CFAP44: variants seen among roughly 807,000 people sequenced by gnomAD.
CFAP44 encodes the protein cilia and flagella associated protein 44, also known as cilia- and flagella-associated protein 44.
Under a neutral mutation model 216.2 loss-of-function variants are expected in CFAP44, and 134 were observed. That is an observed-to-expected ratio of 0.62 (90% CI 0.54 to 0.72). CFAP44 has a LOEUF of 0.72. Ranked by LOEUF, CFAP44 falls within the 30% of genes least tolerant of loss-of-function variation. The pLI is 0.00. For missense variants in CFAP44, 2,035 were observed against 2,182.1 expected (o/e 0.93, Z 1.34); for synonymous variants, 700 against 727.6 (o/e 0.96, Z 0.61).
intron 15 of CFAP44, among the ~76,000 whole-genome samples, chr3:113,394,554 A>C (rs1386298554): frequency 6.6e-6 from 1 of 152,170 alleles, no homozygotes; most frequent in Admixed American, 6.5e-5. Flanking sequence ...CAAAATAATA[A>C]CTTAATTTTA....
intron 24 of CFAP44, among the ~76,000 whole-genome samples, chr3:113,339,639 C>A (rs1168684876): frequency 6.6e-6 from 1 of 152,154 alleles, no homozygotes; most frequent in Admixed American, 6.5e-5. Flanking sequence ...TGTTGCCTGG[C>A]TTTGGATCCC....
chr3:113,418,033 T>G (rs1167476159), intron 5 of CFAP44, among the ~76,000 whole-genome samples: 2 of 151,426 alleles, frequency 1.3e-5, no homozygotes, highest in Non-Finnish European at 2.9e-5. Flanking sequence ...GGAGTTTTAT[T>G]TATTTAATTA....
rs138006295 is a variant in CFAP44, at chr3:113,420,116, G to T, written c.471C>A (p.Ala157=). The T allele has an allele frequency of 2.0e-4, 326 of 1,613,878 alleles. 1 individual carries two copies. In the African/African-American group the frequency reaches 3.3e-3, roughly 16 times the overall value. Reference sequence around the variant, plus strand: ...TCAGTTGGTTCCCAGCTATGTATATGGCGATACTGTCGTCCAGAAGTTGTA... The same window carrying T: ...TCAGTTGGTTCCCAGCTATGTATATTGCGATACTGTCGTCCAGAAGTTGTA... The part of the protein sequence containing the change: ...ANLQLLDDSI[A]IYIAGNQLIF... The change falls in exon 5 of 35, where the codon GCC becomes GCA. Residue 157 remains alanine (A), a synonymous_variant. Coordinates refer to ENST00000393845, the MANE Select transcript of CFAP44 (RefSeq NM_001164496.2).
intron 28 of CFAP44, among the ~76,000 whole-genome samples, chr3:113,323,965 A>G (rs1950167489): frequency 6.7e-6 from 1 of 150,244 alleles, no homozygotes; most frequent in Non-Finnish European, 1.5e-5. Flanking sequence ...AATCGCTTGA[A>G]CCTAGGAGGT....
intron 1 of CFAP44, chr3:113,434,939 G>C (rs1174280817): frequency 6.6e-6 from 1 of 152,228 alleles, no homozygotes; most frequent in East Asian, 1.9e-4. Flanking sequence ...TATGATGACT[G>C]TCTCCCTTCA....
At chr3:113,375,247 A>C (rs1291715156) in intron 17 of CFAP44, among the ~76,000 whole-genome samples, 2 of 152,224 alleles carry the variant, frequency 1.3e-5, no homozygotes, top group African/African-American at 4.8e-5. Context: ...AGGACGGTAG[A>C]ACAGATGTTG....
intron 8 of CFAP44, 92 bp from the exon 9 acceptor site, chr3:113,404,108 G>C: frequency 3.7e-6 from 5 of 1,342,656 alleles, no homozygotes; most frequent in Non-Finnish European, 4.9e-6. Context: ...ATTTTTTAAG[G>C]TTATCTTTAT....
intron 28 of CFAP44, among the ~76,000 whole-genome samples, chr3:113,324,239 G>T (rs1443556330): frequency 1.3e-5 from 2 of 151,976 alleles, no homozygotes; most frequent in Non-Finnish European, 2.9e-5. Context: ...AAATGGAAAA[G>T]AAAATTTTCT....
Position 113,363,138 on chromosome 3 carries a change from G to A in CFAP44, c.2934+7C>T, listed in dbSNP as rs570889094. Reference sequence around the variant, plus strand: ...TAAAATAAAAATCAAGTTTATATTAGGCTTACTGTTCGTTTAAACTGCATA... The same window carrying A: ...TAAAATAAAAATCAAGTTTATATTAAGCTTACTGTTCGTTTAAACTGCATA... On this transcript the variant is annotated splice_region_variant and intron_variant, in intron 21 of 34. Coordinates refer to ENST00000393845, the MANE Select transcript of CFAP44 (RefSeq NM_001164496.2). The A allele has an allele frequency of 3.8e-6, 6 of 1,575,470 alleles. No individual in the cohort carries two copies. Among genetic ancestry groups the A allele is most frequent in the African/African-American group, 1.4e-5 (1 of 73,284 alleles).
Position 113,308,151 on chromosome 3 carries a change from A to C in CFAP44, c.4627+7T>G. 6.5e-7 allele frequency: 1 copy of C among 1,528,714 alleles called. No individual in the cohort carries two copies. Among genetic ancestry groups the C allele is most frequent in the Non-Finnish European group, 8.7e-7 (1 of 1,143,786 alleles). The allele number at this position is 1,528,714 out of a possible 1,614,324, so 94.7% of individuals were successfully genotyped here. On this transcript the variant is annotated splice_region_variant and intron_variant, in intron 29 of 34. Transcript: ENST00000393845. ...TCACAGAGAACACGTGGTTTTATCTAACTTACTTGTTGGGCAAATAGAATC... is the reference window on the plus strand; with the variant it reads ...TCACAGAGAACACGTGGTTTTATCTCACTTACTTGTTGGGCAAATAGAATC...
At position 113,344,765 on chromosome 3, in the gene CFAP44, T is replaced by A. The variant is rs1008665280; in HGVS notation, c.3066-53A>T. 6.5e-6 allele frequency: 9 copies of A among 1,383,006 alleles called. 1 individual carries two copies. The African/African-American group carries it at 1.3e-4, about 20-fold the overall frequency. The allele number at this position is 1,383,006 out of a possible 1,614,324, so 85.7% of individuals were successfully genotyped here. A position where few individuals can be genotyped will look rare whatever the true frequency, so the allele number is the denominator to read the frequency against. ...TAGTCACCATTTTGATCATTCTGCA[T>A]AATTACTAAGTAATAAAATAAAACT... is the stretch of plus-strand genomic sequence containing the variant. On this transcript the variant is annotated intron_variant, in intron 22 of 34. Coordinates refer to ENST00000393845, the MANE Select transcript of CFAP44 (RefSeq NM_001164496.2).
rs1476193171 is a variant in CFAP44 at position 113,303,942 on chromosome 3, T to C, written c.5051A>G (p.Lys1684Arg). 6.5e-7 allele frequency: 1 copy of C among 1,537,808 alleles called. No individual in the cohort carries two copies. Among genetic ancestry groups the C allele is most frequent in the Admixed American group, 2.0e-5 (1 of 51,008 alleles). ...GTGTATGGTTTTTGTCATTTCTCTC[T>C]TTTCTCGGATGAGCTGTTTACGTCT... ...RERRKQLIRE[K>R]REMTKTIHKM... Residue 1684 changes from lysine (K) to arginine (R), a missense_variant, in exon 32 of 35, where the codon AAG (lysine) becomes AGG (arginine). Coordinates refer to ENST00000393845, the MANE Select transcript of CFAP44 (RefSeq NM_001164496.2).
chr3:113,344,292 T>C (rs577851156), intron 23 of CFAP44, among the ~76,000 whole-genome samples: 1 of 152,308 alleles, frequency 6.6e-6, no homozygotes, highest in South Asian at 2.1e-4. Flanking sequence ...AAGAGGAAAG[T>C]GGACATGGAG....
In CFAP44 at chr3:113,387,835, G is replaced by C. The variant is rs942121722; in HGVS notation, c.1891-6775C>G. On this transcript the variant is annotated intron_variant, in intron 15 of 34. Transcript: ENST00000393845. ...CCACTGTCCTGAAGGGAAAGACTCAGGACTGCCAGCATTCGCCACAAGCTG... is the reference window on the plus strand; with the variant it reads ...CCACTGTCCTGAAGGGAAAGACTCACGACTGCCAGCATTCGCCACAAGCTG... 7.2e-5 allele frequency among the ~76,000 whole-genome samples: 11 copies of C among 151,958 alleles called. 1 individual carries two copies. The highest frequency in any genetic ancestry group is 7.2e-4 in the Admixed American group (11 of 15,260).
At chr3:113,411,414 A>ATTTCTTGTT (rs1223624819) in intron 6 of CFAP44, among the ~76,000 whole-genome samples, 3 of 152,196 alleles carry the variant, frequency 2.0e-5, no homozygotes, top group African/African-American at 7.2e-5. Context: ...TCCTTTCCCC[A>ATTTCTTGTT]TTTCTTGTTT....
intron 32 of CFAP44, among the ~76,000 whole-genome samples, chr3:113,298,201 T>C (rs530910577): frequency 4.1e-4 from 63 of 152,324 alleles, no homozygotes; most frequent in Non-Finnish European, 8.1e-4. Context: ...CCCTGCCAGC[T>C]CCATTGTGGA....
chr3:113,330,627 A>G lies in CFAP44; in HGVS notation c.3657T>C (p.Ser1219=). Residue 1219 remains serine (S), a synonymous_variant, in exon 26 of 35, where the codon TCT becomes TCC. Transcript: ENST00000393845. The part of the protein sequence containing the change: ...NKRHMNKCIL[S]LRDLKVAVVE... ...CAACAGCCACTTTAAGGTCTCTAAGAGAGAGAATGCACTTGTTCATGTGCC... is the reference window on the plus strand; with the variant it reads ...CAACAGCCACTTTAAGGTCTCTAAGGGAGAGAATGCACTTGTTCATGTGCC... The G allele has an allele frequency of 6.5e-7, 1 of 1,536,592 alleles. No homozygotes were observed. Among genetic ancestry groups the G allele is most frequent in the Non-Finnish European group, 8.7e-7 (1 of 1,146,712 alleles).
chr3:113,407,974 T>C (rs1934334065), intron 7 of CFAP44, among the ~76,000 whole-genome samples: 1 of 152,168 alleles, frequency 6.6e-6, no homozygotes, highest in African/African-American at 2.4e-5. Context: ...AAATACAGAT[T>C]TTACTAAATA....
At chr3:113,358,931 A>C in intron 21 of CFAP44, 56 bp from the exon 22 acceptor site, 1 of 1,492,966 alleles carries the variant, frequency 6.7e-7, no homozygotes, top group Non-Finnish European at 8.9e-7. Flanking sequence ...TCTGTTTCAT[A>C]TATTTCAGTT....
Sources: allele counts gnomAD v4.1 joint callset (sites outside exome capture counted in the v4.1 genomes callset), GRCh38; gene constraint gnomAD v4.1.1; transcripts MANE v1.5; gene names NCBI Gene and HGNC (gene_info 2026-07-23, HGNC 2026-07-21).